PLB1: variants seen among roughly 807,000 people sequenced by gnomAD.
PLB1 encodes phospholipase B1.
Under a neutral mutation model 227.4 loss-of-function variants are expected in PLB1, and 242 were observed. The observed-to-expected ratio is 1.06, with a 90% CI of 0.96 to 1.18. The LOEUF is 1.18. PLB1 is among the 50% of genes most tolerant of loss of function. PLB1 has a pLI of 0.00. For missense variants in PLB1, 1,858 were observed against 1,816.3 expected (o/e 1.02, Z -0.42); for synonymous variants, 757 against 682.2 (o/e 1.11, Z -1.71).
intron 25 of PLB1, among the ~76,000 whole-genome samples, chr2:28,584,828 A>G (rs1399805254): frequency 2.0e-5 from 3 of 152,318 alleles, no homozygotes; most frequent in East Asian, 1.9e-4. Flanking sequence ...TGCAGATTGG[A>G]TGGAAGCAGT....
intron 19 of PLB1, 26 bp from the exon 20 acceptor site, chr2:28,566,770 T>C: frequency 6.2e-7 from 1 of 1,613,736 alleles, no homozygotes. Context: ...TAACCCTTCA[T>C]TTTCTTTCTT....
intron 51 of PLB1, 186 bp downstream of exon 51, chr2:28,626,694 C>T (rs763191432): frequency 2.6e-5 from 16 of 619,718 alleles, no homozygotes; most frequent in African/African-American, 7.4e-5. Context: ...ACTGCCTGAG[C>T]GACCCCTGGA....
intron 21 of PLB1, among the ~76,000 whole-genome samples, chr2:28,574,549 ATTTTTTT>A (rs55675067): frequency 0.014 from 1,811 of 130,106 alleles, 25 homozygotes; most frequent in Admixed American, 0.023. Context: ...TTCCCGGCTA[ATTTTTTT>A]TTTTTTTTTT....
At chr2:28,503,944 G>C (rs1282859487) in intron 1 of PLB1, among the ~76,000 whole-genome samples, 5 of 152,194 alleles carry the variant, frequency 3.3e-5, no homozygotes, top group African/African-American at 1.2e-4. Flanking sequence ...ACGAAATGCT[G>C]TGGCCATCTT....
intron 56 of PLB1, among the ~76,000 whole-genome samples, chr2:28,634,247 T>C (rs1300167344): frequency 6.6e-6 from 1 of 152,220 alleles, no homozygotes. Context: ...GTAACCAAAA[T>C]GTCTTTGAGT....
intron 51 of PLB1, 178 bp downstream of exon 51, chr2:28,626,686 TGCCTGAGC>T (rs889314343): frequency 1.6e-6 from 1 of 628,546 alleles, no homozygotes; most frequent in African/African-American, 1.8e-5. Flanking sequence ...CCTTTTCTAC[TGCCTGAGC>T]GACCCCTGGA....
intron 9 of PLB1, among the ~76,000 whole-genome samples, chr2:28,533,919 T>A (rs1671341066): frequency 1.3e-5 from 2 of 152,226 alleles, no homozygotes; most frequent in Admixed American, 1.3e-4. Flanking sequence ...TACACAAATA[T>A]TTTCCTTCTA....
chr2:28,551,686 G>A (rs1394935939), intron 16 of PLB1, among the ~76,000 whole-genome samples: 1 of 152,222 alleles, frequency 6.6e-6, no homozygotes, highest in Non-Finnish European at 1.5e-5. Flanking sequence ...CAATGAGCAA[G>A]ATACTTAACC....
chr2:28,615,772 G>T (rs1483060338), intron 44 of PLB1, among the ~76,000 whole-genome samples: 1 of 152,230 alleles, frequency 6.6e-6, no homozygotes, highest in African/African-American at 2.4e-5. Flanking sequence ...TGAGCCGAAT[G>T]GGTCTGGATC....
At chr2:28,540,217 C>T in intron 11 of PLB1, 149 bp from the exon 12 acceptor site, 1 of 640,514 alleles carries the variant, frequency 1.6e-6, no homozygotes, top group Non-Finnish European at 2.8e-6. Flanking sequence ...TTCTTCTCAA[C>T]ATTTATGTCC....
intron 43 of PLB1, among the ~76,000 whole-genome samples, chr2:28,610,890 C>T (rs895186387): frequency 2.0e-5 from 3 of 152,136 alleles, no homozygotes; most frequent in African/African-American, 4.8e-5. Flanking sequence ...AGTCGGCCCC[C>T]CTTTCTACTC....
chr2:28,585,495 T>C, intron 25 of PLB1: 1 of 366,802 alleles, frequency 2.7e-6, no homozygotes, highest in South Asian at 2.9e-5. Flanking sequence ...CAGCCTGGTC[T>C]TGAACTCCTG....
Position 28,585,746 on chromosome 2 carries a change from T to C in PLB1, c.1734-15T>C, listed in dbSNP as rs753183201. On this transcript the variant is annotated splice_polypyrimidine_tract_variant and intron_variant, in intron 25 of 57. Transcript: ENST00000327757. ...TCTTGGTGGGATGAGGGTTTCTCTT[T>C]GGTTTGGTCTACAGGTCTCTGTGTC... The C allele has an allele frequency of 1.1e-5, 18 of 1,579,148 alleles. No homozygotes were observed. The East Asian group carries it at 4.0e-4, about 35-fold the overall frequency.
intron 56 of PLB1, among the ~76,000 whole-genome samples, chr2:28,638,682 A>G (rs1689642489): frequency 6.6e-6 from 1 of 151,868 alleles, no homozygotes; most frequent in Non-Finnish European, 1.5e-5. Flanking sequence ...TGGATGATTG[A>G]GCAGGTAGAG....
intron 28 of PLB1, 77 bp from the exon 29 acceptor site, chr2:28,589,928 C>A: frequency 7.0e-7 from 1 of 1,431,754 alleles, no homozygotes; most frequent in Non-Finnish European, 9.9e-7. Context: ...CTGCCTCCCG[C>A]ACCCCTGACC....
chr2:28,594,200 A>G, intron 33 of PLB1: 1 of 361,410 alleles, frequency 2.8e-6, no homozygotes, highest in Non-Finnish European at 5.7e-6. Context: ...AACCTCTGAA[A>G]CCCATCGCAC....
chr2:28,504,299 A>C (rs1022663115), intron 1 of PLB1, among the ~76,000 whole-genome samples: 2 of 152,192 alleles, frequency 1.3e-5, no homozygotes, highest in South Asian at 4.1e-4. Flanking sequence ...AGTTGCGTCT[A>C]ATTTTCTGTT....
intron 14 of PLB1, among the ~76,000 whole-genome samples, chr2:28,547,263 C>T (rs1222480637): frequency 6.6e-6 from 1 of 151,374 alleles, no homozygotes. Context: ...CAGATCAGCA[C>T]CTGGCCCTCA....
intron 48 of PLB1, 114 bp from the exon 49 acceptor site, chr2:28,620,765 G>T: frequency 6.6e-7 from 1 of 1,519,402 alleles, no homozygotes; most frequent in South Asian, 1.1e-5. Context: ...GCCCTGAAAA[G>T]CCCCAGAACT....
Sources: allele counts gnomAD v4.1 joint callset (sites outside exome capture counted in the v4.1 genomes callset), GRCh38; gene constraint gnomAD v4.1.1; transcripts MANE v1.5; gene names NCBI Gene and HGNC (gene_info 2026-07-23, HGNC 2026-07-21).